The following PKIG variants were observed in gnomAD, a reference collection of about 807,000 sequenced individuals.
PKIG encodes the protein protein kinase (cAMP-dependent, catalytic) inhibitor gamma.
In PKIG, 1 loss-of-function variant was observed where a neutral mutation model predicts 6.8. The ratio of observed to expected loss-of-function variants is 0.15; its 90% CI spans 0.05 to 0.69. The LOEUF (loss-of-function observed/expected upper bound fraction) is 0.69, where lower values mean the gene tolerates loss of function less well. PKIG is among the 30% of genes least tolerant of loss of function. The probability of loss-of-function intolerance (pLI) is 0.82; values close to 1 mark genes in which losing one functional copy is unlikely to be tolerated. For missense variants in PKIG, 77 were observed against 104.0 expected, an observed-to-expected ratio of 0.74 and a Z score of 1.13; for synonymous variants, 39 against 43.0, an observed-to-expected ratio of 0.91 and a Z score of 0.36.
At chr20:44,603,153 T>C (rs1017557219) in intron 2 of PKIG, among the ~76,000 whole-genome samples, 1 of 152,172 alleles carries the variant, frequency 6.6e-6, no homozygotes, top group Non-Finnish European at 1.5e-5. Flanking sequence ...GAATTTATAT[T>C]CTTACCACAC....
chr20:44,533,807 A>G (rs1005823201), intron 1 of PKIG, among the ~76,000 whole-genome samples: 6 of 152,246 alleles, frequency 3.9e-5, no homozygotes, highest in African/African-American at 1.4e-4. Flanking sequence ...AAACCAGCAA[A>G]GTATAGTAAT....
At chr20:44,549,015 A>G (rs2064643771) in intron 1 of PKIG, among the ~76,000 whole-genome samples, 1 of 152,196 alleles carries the variant, frequency 6.6e-6, no homozygotes, top group African/African-American at 2.4e-5. Context: ...CAGCTGTCAC[A>G]TCCCCTGGGT....
At chr20:44,567,167 A>G (rs1299795626) in intron 1 of PKIG, among the ~76,000 whole-genome samples, 1 of 152,254 alleles carries the variant, frequency 6.6e-6, no homozygotes, top group Non-Finnish European at 1.5e-5. Flanking sequence ...CCTAGATGGC[A>G]GTTAAGCAGC....
chr20:44,593,364 AACACAC>A (rs55947972), intron 2 of PKIG, among the ~76,000 whole-genome samples: 18,346 of 132,410 alleles, frequency 0.14, 1,675 homozygotes, highest in African/African-American at 0.23. Context: ...TATAATAATC[AACACAC>A]ACACACACAC....
chr20:44,580,182 A>G (rs1413511243), upstream of PKIG, among the ~76,000 whole-genome samples: 2 of 152,238 alleles, frequency 1.3e-5, no homozygotes, highest in Non-Finnish European at 2.9e-5. Flanking sequence ...AACCCACACA[A>G]GAACCTTGGA....
chr20:44,549,164 A>G (rs959615761), intron 1 of PKIG, among the ~76,000 whole-genome samples: 24 of 152,110 alleles, frequency 1.6e-4, no homozygotes, highest in Non-Finnish European at 2.9e-5. Flanking sequence ...TCAGATACTA[A>G]ACTTTTGGCA....
intron 3 of PKIG, among the ~76,000 whole-genome samples, chr20:44,616,268 T>G (rs1481846527): frequency 6.6e-6 from 1 of 152,166 alleles, no homozygotes; most frequent in Non-Finnish European, 1.5e-5. Flanking sequence ...GCTGCCTCCA[T>G]GAGCCCACTG....
intron 2 of PKIG, among the ~76,000 whole-genome samples, chr20:44,590,196 C>G (rs2065023317): frequency 6.6e-6 from 1 of 152,122 alleles, no homozygotes; most frequent in South Asian, 2.1e-4. Flanking sequence ...GAGTTATTAG[C>G]AACATTGGGC....
chr20:44,562,882 A>C (rs2064779880), intron 1 of PKIG, among the ~76,000 whole-genome samples: 1 of 152,196 alleles, frequency 6.6e-6, no homozygotes, highest in Non-Finnish European at 1.5e-5. Context: ...AACATGGCGA[A>C]ACCCCATCTC....
At chr20:44,572,349 T>C (rs766495434) in intron 1 of PKIG, among the ~76,000 whole-genome samples, 13 of 152,256 alleles carry the variant, frequency 8.5e-5, no homozygotes, top group Non-Finnish European at 1.2e-4. Context: ...TACTGTTTTG[T>C]TCATGTATGG....
chr20:44,591,492 A>G (rs1181165664), intron 2 of PKIG, among the ~76,000 whole-genome samples: 1 of 151,988 alleles, frequency 6.6e-6, no homozygotes, highest in Non-Finnish European at 1.5e-5. Flanking sequence ...GCCCACTCTC[A>G]TCACCTCTCT....
At chr20:44,542,078 AG>A (rs1204014488) in intron 1 of PKIG, among the ~76,000 whole-genome samples, 1 of 152,184 alleles carries the variant, frequency 6.6e-6, no homozygotes, top group Non-Finnish European at 1.5e-5. Context: ...ATTTCCGGGG[AG>A]GCTAATAACT....
intron 2 of PKIG, among the ~76,000 whole-genome samples, chr20:44,609,752 G>A (rs548419141): frequency 2.4e-4 from 36 of 152,224 alleles, no homozygotes; most frequent in African/African-American, 7.5e-4. Context: ...CGGAGGCTCC[G>A]GGAGCCAGTG....
chr20:44,563,330 T>C (rs924071486), intron 1 of PKIG, among the ~76,000 whole-genome samples: 1 of 152,190 alleles, frequency 6.6e-6, no homozygotes, highest in African/African-American at 2.4e-5. Context: ...TACTTATTAT[T>C]GTAGTATAAC....
chr20:44,583,414 A>G (rs2064964226), intron 1 of PKIG, among the ~76,000 whole-genome samples: 1 of 152,196 alleles, frequency 6.6e-6, no homozygotes, highest in South Asian at 2.1e-4. Flanking sequence ...ATCTGTTTTC[A>G]GGGTTTGAAA....
intron 1 of PKIG, among the ~76,000 whole-genome samples, chr20:44,559,320 C>T (rs202066129): frequency 6.6e-6 from 1 of 152,258 alleles, no homozygotes; most frequent in Middle Eastern, 3.4e-3. Flanking sequence ...TCATATTATA[C>T]AAACTATTCT....
intron 1 of PKIG, among the ~76,000 whole-genome samples, chr20:44,533,123 C>G (rs955608824): frequency 6.6e-6 from 1 of 152,112 alleles, no homozygotes; most frequent in Non-Finnish European, 1.5e-5. Flanking sequence ...TATCATTCCT[C>G]CCATCTGTTT....
intron 2 of PKIG, among the ~76,000 whole-genome samples, chr20:44,612,655 A>T (rs1436039504): frequency 6.6e-6 from 1 of 152,220 alleles, no homozygotes; most frequent in African/African-American, 2.4e-5. Flanking sequence ...TGGGAATATA[A>T]ATAAAAACAG....
chr20:44,533,321 C>T (rs1240724051), intron 1 of PKIG, among the ~76,000 whole-genome samples: 1 of 152,186 alleles, frequency 6.6e-6, no homozygotes, highest in African/African-American at 2.4e-5. Flanking sequence ...CACACCACTG[C>T]ACCTGGCTAA....
Sources: allele counts gnomAD v4.1 joint callset (sites outside exome capture counted in the v4.1 genomes callset), GRCh38; gene constraint gnomAD v4.1.1; transcripts MANE v1.5; gene names NCBI Gene and HGNC (gene_info 2026-07-23, HGNC 2026-07-21).